Variants in TSHZ3 observed in about 807,000 individuals in gnomAD.
The protein encoded by TSHZ3 is teashirt homolog 3.
In TSHZ3, 10 loss-of-function variants were observed where a neutral mutation model predicts 64.5. The ratio of observed to expected loss-of-function variants is 0.16; its 90% CI spans 0.10 to 0.26. TSHZ3 has a LOEUF of 0.26. Among genes scored for constraint, TSHZ3 ranks in the 10% least tolerant of loss-of-function variants. The pLI is 1.00. For missense variants in TSHZ3, 1,242 were observed against 1,421.7 expected, an observed-to-expected ratio of 0.87 and a Z score of 2.03; for synonymous variants, 608 against 593.1, an observed-to-expected ratio of 1.03 and a Z score of -0.36.
At chr19:31,280,514 GCA>G (rs1417245684) in intron 1 of TSHZ3, among the ~76,000 whole-genome samples, 1 of 152,028 alleles carries the variant, frequency 6.6e-6, no homozygotes, top group African/African-American at 2.4e-5. Context: ...AGCCACCTGT[GCA>G]CACACACTCT....
At chr19:31,236,162 C>T (rs759681878) in intron 3 of TSHZ3, among the ~76,000 whole-genome samples, 19 of 152,264 alleles carry the variant, frequency 1.2e-4, no homozygotes, top group African/African-American at 4.1e-4. Context: ...CTAGGTCATG[C>T]GACAGGTCTA....
chr19:31,258,350 G>C (rs779767307), intron 1 of TSHZ3, among the ~76,000 whole-genome samples: 5 of 152,146 alleles, frequency 3.3e-5, no homozygotes, highest in East Asian at 1.9e-4. Flanking sequence ...CCTTGATCCA[G>C]GCCTCAGCCA....
At chr19:31,348,988 G>T in intron 1 of TSHZ3, 192 bp downstream of exon 1, 1 of 662,878 alleles carries the variant, frequency 1.5e-6, no homozygotes, top group Non-Finnish European at 2.4e-6. Flanking sequence ...GAAGAGGGCA[G>T]AGCGCGGCGG....
chr19:31,348,414 AG>A (rs1333612595), intron 1 of TSHZ3, among the ~76,000 whole-genome samples: 2 of 152,050 alleles, frequency 1.3e-5, no homozygotes, highest in East Asian at 3.9e-4. Context: ...AGAAAAGAAA[AG>A]AAAAAAATCG....
At chr19:31,301,650 C>G (rs1181886823) in intron 1 of TSHZ3, among the ~76,000 whole-genome samples, 2 of 152,152 alleles carry the variant, frequency 1.3e-5, no homozygotes, top group African/African-American at 4.8e-5. Context: ...CTCAGGCCTC[C>G]CATGGCAGGT....
chr19:31,320,648 G>A lies in TSHZ3; in HGVS notation c.40+28532C>T, dbSNP rs56119177. On this transcript the variant is annotated intron_variant, in intron 1 of 1. Coordinates refer to ENST00000240587, the MANE Select transcript of TSHZ3 (RefSeq NM_020856.4). Reference sequence around the variant, plus strand: ...TCTCCCTGGACCTAAGCCTTTGAAGGTTGTTGTAGTTAAGACACGGTCAGG... The same window carrying A: ...TCTCCCTGGACCTAAGCCTTTGAAGATTGTTGTAGTTAAGACACGGTCAGG... Among the ~76,000 whole-genome samples, 1,146 of 152,282 alleles carry A rather than the reference G, an allele frequency of 7.5e-3. 14 individuals carry two copies. Among genetic ancestry groups the A allele is most frequent in the South Asian group, 0.018 (86 of 4,822 alleles).
intron 1 of TSHZ3, among the ~76,000 whole-genome samples, chr19:31,260,288 C>A (rs959294509): frequency 3.3e-5 from 5 of 152,244 alleles, no homozygotes; most frequent in African/African-American, 1.2e-4. Context: ...GATTCACCAT[C>A]CTCGTCTATG....
In TSHZ3 at chr19:31,276,852, A is replaced by C. The variant is rs1035790329; in HGVS notation, c.2941T>G (p.Cys981Gly). The C allele has an allele frequency of 6.2e-7, 1 of 1,614,222 alleles. No individual in the cohort carries two copies. Among genetic ancestry groups the C allele is most frequent in the Non-Finnish European group, 8.5e-7 (1 of 1,180,046 alleles). The change falls in exon 2 of 2, where the codon TGT becomes GGT. Residue 981 changes from cysteine (C) to glycine (G), a missense_variant. Around this residue, in one of 4 missense-constraint regions of TSHZ3, gnomAD observed 126 missense variants for 140.6 expected, o/e 0.90. Coordinates refer to ENST00000240587, the MANE Select transcript of TSHZ3 (RefSeq NM_020856.4). ...TGHPVFFCND[C>G]ASQIRTPSTY... ...GAAGGAGTCCTGATTTGGGACGCAC[A>C]ATCGTTACAAAAGAAGACGGGGTGG...
rs571550997 is a variant in TSHZ3 at position 31,234,363 on chromosome 19, G to A, written n.551-6223C>T. Among the ~76,000 whole-genome samples the A allele has an allele frequency of 4.2e-4, 63 of 151,470 alleles. 1 individual carries two copies. Among genetic ancestry groups the A allele is most frequent in the Middle Eastern group, 3.4e-3 (1 of 294 alleles). ...AAATATTTCTCTCCTTTTTAAATTCGTTTGTTTATTTATTTTGCCTTATGG... is the reference window on the plus strand; with the variant it reads ...AAATATTTCTCTCCTTTTTAAATTCATTTGTTTATTTATTTTGCCTTATGG... On this transcript the variant is annotated intron_variant and non_coding_transcript_variant, in intron 3 of 6. Coordinates refer to the TSHZ3 transcript ENST00000651361.
At chr19:31,178,012 T>C (rs561790077) in intron 5 of TSHZ3, among the ~76,000 whole-genome samples, 8 of 152,136 alleles carry the variant, frequency 5.3e-5, no homozygotes, top group Non-Finnish European at 1.0e-4. Flanking sequence ...GTGTAGACAA[T>C]GGAGGCTAAC....
chr19:31,238,526 G>T (rs763429536), intron 3 of TSHZ3, among the ~76,000 whole-genome samples: 49 of 152,248 alleles, frequency 3.2e-4, no homozygotes, highest in Non-Finnish European at 5.0e-4. Flanking sequence ...AAATTGCTGG[G>T]ATTACAGGCG....
intron 4 of TSHZ3, among the ~76,000 whole-genome samples, chr19:31,227,757 C>T (rs780969798): frequency 6.6e-6 from 1 of 152,146 alleles, no homozygotes; most frequent in Non-Finnish European, 1.5e-5. Context: ...CACAAGCATG[C>T]CTTGAACTCA....
At chr19:31,248,070 C>T (rs1183219823) in intron 1 of TSHZ3, among the ~76,000 whole-genome samples, 1 of 152,082 alleles carries the variant, frequency 6.6e-6, no homozygotes, top group Non-Finnish European at 1.5e-5. Flanking sequence ...CAAGCAGAAA[C>T]CCCTTATAAA....
chr19:31,153,622 T>G (rs941418973), intron 6 of TSHZ3, among the ~76,000 whole-genome samples: 1 of 152,236 alleles, frequency 6.6e-6, no homozygotes, highest in Non-Finnish European at 1.5e-5. Flanking sequence ...TAAATTAAAC[T>G]TTTTGTTGTT....
chr19:31,349,289 G>A lies in TSHZ3; in HGVS notation c.-70C>T. The stretch of plus-strand genomic sequence containing the variant: ...CGGGCTGAGGACAGGGAGGGAGGGG[G>A]CGGCGGGCCCGCGGGGGGGCGAGGC... On this transcript the variant is annotated 5_prime_UTR_variant, in exon 1 of 2. Coordinates refer to ENST00000240587, the MANE Select transcript of TSHZ3 (RefSeq NM_020856.4). The A allele has an allele frequency of 2.5e-6, 3 of 1,213,018 alleles. No individual in the cohort carries two copies. The highest frequency in any genetic ancestry group is 3.3e-6 in the Non-Finnish European group (3 of 908,186). The allele number at this position is 1,213,018 out of a possible 1,614,324, so 75.1% of individuals were successfully genotyped here.
chr19:31,154,199 C>A (rs1974274046), intron 6 of TSHZ3, among the ~76,000 whole-genome samples: 1 of 152,204 alleles, frequency 6.6e-6, no homozygotes, highest in African/African-American at 2.4e-5. Context: ...CCGTAGGTGC[C>A]TTGAGCCCCA....
chr19:31,253,585 C>T (rs1975870280), intron 1 of TSHZ3, among the ~76,000 whole-genome samples: 1 of 152,090 alleles, frequency 6.6e-6, no homozygotes, highest in African/African-American at 2.4e-5. Context: ...AGGTCTCAAA[C>T]TTCTGGCCTC....
At chr19:31,227,969 C>T (rs961251400) in intron 4 of TSHZ3, among the ~76,000 whole-genome samples, 11 of 152,164 alleles carry the variant, frequency 7.2e-5, no homozygotes, top group South Asian at 2.1e-4. Flanking sequence ...TCCATCCACA[C>T]GGACCCCCAA....
chr19:31,346,054 C>A (rs1193223963), intron 1 of TSHZ3, among the ~76,000 whole-genome samples: 1 of 152,142 alleles, frequency 6.6e-6, no homozygotes, highest in Non-Finnish European at 1.5e-5. Flanking sequence ...AGAAAAGACC[C>A]TAAGCCATAC....
Sources: allele counts gnomAD v4.1 joint callset (sites outside exome capture counted in the v4.1 genomes callset), GRCh38; gene constraint gnomAD v4.1.1; regional missense constraint gnomAD v4.1.1; transcripts MANE v1.5; gene names NCBI Gene and HGNC (gene_info 2026-07-23, HGNC 2026-07-21).